VGLL4: variants seen among roughly 807,000 people sequenced by gnomAD.
The protein encoded by VGLL4 is transcription cofactor vestigial-like protein 4.
In VGLL4, 7 loss-of-function variants were observed where a neutral mutation model predicts 21.0. The ratio of observed to expected loss-of-function variants is 0.33; its 90% CI spans 0.19 to 0.63. The LOEUF is 0.63. VGLL4 is among the 20% of genes least tolerant of loss of function. VGLL4 has a pLI of 0.78. For missense variants in VGLL4, 394 were observed against 425.7 expected, an observed-to-expected ratio of 0.93 and a Z score of 0.66; for synonymous variants, 222 against 173.2, an observed-to-expected ratio of 1.28 and a Z score of -2.21.
At chr3:11,622,502 A>G (rs9871522) in intron 1 of VGLL4, among the ~76,000 whole-genome samples, 15,076 of 152,138 alleles carry the variant, frequency 0.099, 1,150 homozygotes, top group African/African-American at 0.2. Context: ...CATGCTGACA[A>G]TGATTGTTAA....
chr3:11,716,399 A>C (rs766430395), intron 1 of VGLL4, among the ~76,000 whole-genome samples: 1 of 152,102 alleles, frequency 6.6e-6, no homozygotes, highest in Non-Finnish European at 1.5e-5. Flanking sequence ...CTCAAACAAG[A>C]AGGCAGGGTA....
At chr3:11,652,166 A>T (rs1026501514) in intron 2 of VGLL4, among the ~76,000 whole-genome samples, 1 of 152,228 alleles carries the variant, frequency 6.6e-6, no homozygotes, top group Non-Finnish European at 1.5e-5. Context: ...TTGAAAAAGC[A>T]AACTGCAGAA....
In VGLL4 at chr3:11,657,279, C is replaced by T. The variant is rs76398539; in HGVS notation, c.64+45692G>A. On this transcript the variant is annotated intron_variant, in intron 2 of 5. Coordinates refer to the VGLL4 transcript ENST00000273038. ...CCCCACCCAACCACAGGCCGCCATT[C>T]ACTGCAATCTCAAGACAGAATGTCA... 9.4e-3 allele frequency among the ~76,000 whole-genome samples: 1,425 copies of T among 152,260 alleles called. 30 individuals are homozygous for T. Among genetic ancestry groups the T allele is most frequent in the African/African-American group, 0.033 (1,355 of 41,558 alleles).
chr3:11,678,865 A>G (rs564539654), intron 2 of VGLL4, among the ~76,000 whole-genome samples: 16 of 152,356 alleles, frequency 1.1e-4, no homozygotes, highest in Non-Finnish European at 1.9e-4. Flanking sequence ...GACAGATGGC[A>G]TATGCCACGG....
intron 2 of VGLL4, among the ~76,000 whole-genome samples, chr3:11,690,633 C>T (rs2076513499): frequency 6.6e-6 from 1 of 151,826 alleles, no homozygotes; most frequent in Non-Finnish European, 1.5e-5. Flanking sequence ...GTTTAAGCAA[C>T]ATTTTCCAAA....
chr3:11,619,097 AAG>A (rs754859830), intron 1 of VGLL4, among the ~76,000 whole-genome samples: 7 of 152,236 alleles, frequency 4.6e-5, no homozygotes, highest in Non-Finnish European at 1.0e-4. Flanking sequence ...AAGCCAAAGA[AAG>A]AGGAAAACTG....
chr3:11,571,034 G>A (rs981018961), intron 2 of VGLL4, among the ~76,000 whole-genome samples: 4 of 152,190 alleles, frequency 2.6e-5, no homozygotes, highest in African/African-American at 4.8e-5. Context: ...GGGTGAAGAC[G>A]ATGTTTGCCG....
Position 11,643,707 on chromosome 3 carries a change from C to T in VGLL4, c.-189G>A. On this transcript the variant is annotated 5_prime_UTR_variant, in exon 1 of 5. In the 5' UTR this introduces an upstream ATG that the reference lacks. Coordinates refer to ENST00000430365, the MANE Select transcript of VGLL4 (RefSeq NM_001128219.3). ...ATCAGGCACAAAAAAATCGAGCTCA[C>T]ACGAAACCCTTCAAGGGCTTACTGG... 3 of 1,421,160 alleles carry T rather than the reference C, an allele frequency of 2.1e-6. No homozygotes were observed. Among genetic ancestry groups the T allele is most frequent in the Non-Finnish European group, 2.7e-6 (3 of 1,093,788 alleles). The allele number at this position is 1,421,160 out of a possible 1,614,324, so 88.0% of individuals were successfully genotyped here. A position where few individuals can be genotyped will look rare whatever the true frequency, so the allele number is the denominator to read the frequency against.
At chr3:11,569,633 C>A (rs920411749) in intron 2 of VGLL4, among the ~76,000 whole-genome samples, 41 of 152,358 alleles carry the variant, frequency 2.7e-4, no homozygotes, top group African/African-American at 9.1e-4. Flanking sequence ...GCCCTTTCGT[C>A]CTCTCTCTCC....
chr3:11,573,448 CA>C (rs2073938090), intron 2 of VGLL4, among the ~76,000 whole-genome samples: 1 of 152,176 alleles, frequency 6.6e-6, no homozygotes. Context: ...GTGCTGGGGA[CA>C]GGGCTTCTGA....
intron 1 of VGLL4, among the ~76,000 whole-genome samples, chr3:11,642,313 G>T (rs1331693902): frequency 1.3e-5 from 2 of 151,856 alleles, no homozygotes; most frequent in African/African-American, 2.4e-5. Context: ...GGTTGTTGTT[G>T]TTTTTTTTCC....
At position 11,564,850 on chromosome 3, in the gene VGLL4, C is replaced by A; in HGVS notation, c.442G>T (p.Ala148Ser). 6.2e-7 allele frequency: 1 copy of A among 1,604,892 alleles called. No individual in the cohort carries two copies. The highest frequency in any genetic ancestry group is 8.5e-7 in the Non-Finnish European group (1 of 1,176,854). Residue 148 changes from alanine (A) to serine (S), a missense_variant, in exon 3 of 5, where the codon GCC becomes TCC. Physicochemically the swap from Ala to Ser is moderately conservative, Grantham distance 99 (BLOSUM62 1). Transcript: ENST00000430365. ...GGCGAGAGGCCGGCTGGCCTGCTGG[C>A]GTCCAGGCTGTTCTTGGTCAGTGCG... The part of the protein sequence containing the change: ...PLALTKNSLD[A>S]SRPAGLSPTL...
chr3:11,605,571 A>G (rs2074921868), intron 1 of VGLL4, among the ~76,000 whole-genome samples: 1 of 152,006 alleles, frequency 6.6e-6, no homozygotes, highest in African/African-American at 2.4e-5. Flanking sequence ...AAAACCACTT[A>G]AAATGCCTCC....
chr3:11,610,657 T>A (rs982713463), intron 1 of VGLL4: 2 of 152,226 alleles, frequency 1.3e-5, no homozygotes, highest in Non-Finnish European at 2.9e-5. Context: ...AGAGCAAAGA[T>A]GAGATTGTGT....
At chr3:11,606,198 C>T (rs1432685233) in intron 1 of VGLL4, among the ~76,000 whole-genome samples, 1 of 152,128 alleles carries the variant, frequency 6.6e-6, no homozygotes, top group Non-Finnish European at 1.5e-5. Context: ...CTTACTACCA[C>T]GGGTACAGTA....
chr3:11,605,924 A>G (rs774366572), intron 1 of VGLL4, among the ~76,000 whole-genome samples: 3 of 152,268 alleles, frequency 2.0e-5, no homozygotes, highest in Non-Finnish European at 4.4e-5. Context: ...CTAAATAGGC[A>G]TTTCCGAAGA....
At chr3:11,670,419 C>T (rs183857578) in intron 2 of VGLL4, among the ~76,000 whole-genome samples, 2 of 152,250 alleles carry the variant, frequency 1.3e-5, no homozygotes, top group East Asian at 1.9e-4. Context: ...CGAATGTTTT[C>T]GTCTCTAGAG....
chr3:11,617,075 C>T (rs1202509665), intron 1 of VGLL4, among the ~76,000 whole-genome samples: 3 of 151,946 alleles, frequency 2.0e-5, no homozygotes, highest in African/African-American at 7.3e-5. Flanking sequence ...AAAAGAGATG[C>T]ACTTTTTATT....
chr3:11,645,737 T>A (rs2075781080), upstream of VGLL4, among the ~76,000 whole-genome samples: 3 of 151,960 alleles, frequency 2.0e-5, no homozygotes, highest in Admixed American at 2.0e-4. Flanking sequence ...TCTGGGAGAC[T>A]GAGACGGGCG....
Sources: allele counts gnomAD v4.1 joint callset (sites outside exome capture counted in the v4.1 genomes callset), GRCh38; gene constraint gnomAD v4.1.1; transcripts MANE v1.5; gene names NCBI Gene and HGNC (gene_info 2026-07-23, HGNC 2026-07-21).